Variants in FST observed in about 807,000 individuals in gnomAD.
FST encodes the protein follistatin.
A neutral mutation model predicts 38.4 loss-of-function variants in FST; 6 were observed. The observed-to-expected ratio is 0.16, with a 90% confidence interval of 0.09 to 0.31. FST has a LOEUF of 0.31. FST is among the 10% of genes least tolerant of loss of function. FST has a pLI of 1.00. For synonymous variants in FST, 157 were observed against 169.8 expected (o/e 0.92, Z 0.59); for missense variants, 301 against 432.3 (o/e 0.70, Z 2.69).
Position 53,483,948 on chromosome 5 carries a change from C to G in FST, c.497-121C>G, listed in dbSNP as rs1238480723. 6 of 814,352 alleles carry G rather than the reference C, an allele frequency of 7.4e-6. No homozygotes were observed. In the South Asian group the frequency reaches 8.7e-5, roughly 12 times the overall value. The allele number at this position is 814,352 out of a possible 1,614,324, so 50.4% of individuals were successfully genotyped here. On this transcript the variant is annotated intron_variant, in intron 3 of 5. Transcript: ENST00000256759. The surrounding 1 kb of genome is among the most constrained non-coding windows in gnomAD (Gnocchi z 4.1). ...AGATTCTCTCTTGAAAACTACAGGG[C>G]TCCCTAAGTGCCTTTTGAAAGCTGG...
chr5:53,482,230 CTT>C (rs1690688836), intron 1 of FST, among the ~76,000 whole-genome samples: 1 of 152,040 alleles, frequency 6.6e-6, no homozygotes, highest in African/African-American at 2.4e-5. Context: ...CTCTCTCTCT[CTT>C]TCTTTTCTTT....
At chr5:53,485,269 C>T (rs199862056) in intron 5 of FST, 42 bp downstream of exon 5, 95 of 1,060,024 alleles carry the variant, frequency 9.0e-5, no homozygotes, top group Admixed American at 6.1e-4. Flanking sequence ...AAGGCTTTCC[C>T]AGGCAATCCC....
Position 53,483,622 on chromosome 5 carries a change from C to T in FST, c.396C>T (p.Cys132=). The change falls in exon 3 of 6, where the codon TGC becomes TGT. Residue 132 remains cysteine (C), a synonymous_variant. Coordinates refer to ENST00000256759, the MANE Select transcript of FST (RefSeq NM_013409.3). The surrounding 1 kb of genome is among the most constrained non-coding windows in gnomAD (Gnocchi z 4.1). ...ACATCACCTGGAAGGGTCCAGTCTG[C>T]GGGCTGGATGGGAAAACCTACCGCA... ...CSNITWKGPV[C]GLDGKTYRNE... 6.2e-7 allele frequency: 1 copy of T among 1,614,026 alleles called. No homozygotes were observed. The highest frequency in any genetic ancestry group is 1.1e-5 in the South Asian group (1 of 91,082).
chr5:53,480,889 G>C lies in FST; in HGVS notation c.85+13G>C, dbSNP rs1294924771. On this transcript the variant is annotated intron_variant, in intron 1 of 5. Transcript: ENST00000256759. ...CGCAGTGCCCAGGGTAAGCGAGTGG[G>C]GATGCGCTGGGGAGGCTTGGCTGAG... The C allele has an allele frequency of 6.8e-7, 1 of 1,460,634 alleles. No homozygotes were observed. Among genetic ancestry groups the C allele is most frequent in the Non-Finnish European group, 9.3e-7 (1 of 1,074,430 alleles). 90.5% of individuals were successfully genotyped at this position (1,460,634 alleles called of 1,614,324 possible). A position where few individuals can be genotyped will look rare whatever the true frequency, so the allele number is the denominator to read the frequency against.
chr5:53,480,808 A>C lies in FST; in HGVS notation c.17A>C (p.His6Pro), dbSNP rs773779294. Residue 6 changes from histidine (H) to proline (P), a missense_variant, in exon 1 of 6, where the codon CAC (histidine) becomes CCC (proline). By Grantham distance (77) the His-to-Pro change is moderately conservative (BLOSUM62 -2). Coordinates refer to ENST00000256759, the MANE Select transcript of FST (RefSeq NM_013409.3). The part of the protein sequence containing the change: MVRAR[H>P]QPGGLCLLLL... ...GCCCCCAGGATGGTCCGCGCGAGGC[A>C]CCAGCCGGGTGGGCTTTGCCTCCTG... 1.5e-5 allele frequency: 23 copies of C among 1,516,834 alleles called. No individual in the cohort carries two copies. In the Admixed American group the frequency reaches 2.9e-4, roughly 19 times the overall value. The allele number at this position is 1,516,834 out of a possible 1,614,324, so 94.0% of individuals were successfully genotyped here. A position where few individuals can be genotyped will look rare whatever the true frequency, so the allele number is the denominator to read the frequency against.
chr5:53,481,271 TAAA>T (rs113843581), intron 1 of FST, among the ~76,000 whole-genome samples: 1 of 140,020 alleles, frequency 7.1e-6, no homozygotes, highest in Non-Finnish European at 1.6e-5. Context: ...TTTGGATACT[TAAA>T]AAAAAAAAAG....
In FST at chr5:53,483,827, A is replaced by C. The variant is rs537788736; in HGVS notation, c.496+105A>C. 1.3e-6 allele frequency: 1 copy of C among 798,712 alleles called. No individual in the cohort carries two copies. The highest frequency in any genetic ancestry group is 2.6e-5 in the East Asian group (1 of 38,594). The allele number at this position is 798,712 out of a possible 1,614,324, so 49.5% of individuals were successfully genotyped here. A position where few individuals can be genotyped will look rare whatever the true frequency, so the allele number is the denominator to read the frequency against. On this transcript the variant is annotated intron_variant, in intron 3 of 5. Coordinates refer to ENST00000256759, the MANE Select transcript of FST (RefSeq NM_013409.3). The surrounding 1 kb of genome is among the most constrained non-coding windows in gnomAD (Gnocchi z 4.1). ...CTTGGGGGATGGTGTAGTCCGCAGT[A>C]AGAGCCTGATAATAGTAATACTGAA...
intron 1 of FST, 62 bp from the exon 2 acceptor site, chr5:53,482,818 C>G: frequency 9.5e-7 from 1 of 1,055,022 alleles, no homozygotes; most frequent in Non-Finnish European, 1.4e-6. Context: ...CCACCTCGCT[C>G]TCCCTGCCCT....
chr5:53,485,208 G>A lies in FST; in HGVS notation c.933G>A (p.Lys311=), dbSNP rs758224953. 1.3e-6 allele frequency: 2 copies of A among 1,599,596 alleles called. No individual in the cohort carries two copies. The highest frequency in any genetic ancestry group is 1.7e-6 in the Non-Finnish European group (2 of 1,167,040). ...CCTCAGGTGTGCTACTGGAAGTAAA[G>A]CACTCCGGATCTTGCAACTGTAAGT... ...ACSSGVLLEV[K]HSGSCNSISE... is the part of the protein sequence containing the mutation. Residue 311 remains lysine (K), a synonymous_variant, in exon 5 of 6, where the codon AAG becomes AAA. Coordinates refer to ENST00000256759, the MANE Select transcript of FST (RefSeq NM_013409.3).
At position 53,484,096 on chromosome 5, in the gene FST, G is replaced by A. The variant is rs1241109140; in HGVS notation, c.524G>A (p.Gly175Asp). Residue 175 changes from glycine to aspartate, a missense_variant, in exon 4 of 6, where the codon GGC (glycine) becomes GAC (aspartate). By Grantham distance (94) the Gly-to-Asp change is moderately conservative. Coordinates refer to ENST00000256759, the MANE Select transcript of FST (RefSeq NM_013409.3). ...ACTTGTCGGGATGTTTTCTGTCCAG[G>A]CAGCTCCACATGTGTGGTGGACCAG... The part of the protein sequence containing the change: ...KKTCRDVFCP[G>D]SSTCVVDQTN... 3.1e-6 allele frequency: 5 copies of A among 1,612,588 alleles called. No individual in the cohort carries two copies. The highest frequency in any genetic ancestry group is 8.5e-7 in the Non-Finnish European group (1 of 1,178,640).
intron 1 of FST, among the ~76,000 whole-genome samples, chr5:53,482,172 C>T (rs1417902938): frequency 6.6e-6 from 1 of 152,216 alleles, no homozygotes; most frequent in African/African-American, 2.4e-5. Context: ...GGCCGGGTTG[C>T]TTTTTTGCTT....
At position 53,483,765 on chromosome 5, in the gene FST, T is replaced by G. The variant is rs769150845; in HGVS notation, c.496+43T>G. 7.0e-6 allele frequency: 10 copies of G among 1,428,882 alleles called. No homozygotes were observed. The South Asian group carries it at 1.2e-4, about 17-fold the overall frequency. 88.5% of individuals were successfully genotyped at this position (1,428,882 alleles called of 1,614,324 possible). A position where few individuals can be genotyped will look rare whatever the true frequency, so the allele number is the denominator to read the frequency against. ...GAGCAAGACTGGATCTGTCCCCTCC[T>G]CCAGCTTTGTACCTAAAGTAGACCC... On this transcript the variant is annotated intron_variant, in intron 3 of 5. Transcript: ENST00000256759. This position sits in a 1 kb window ranked among gnomAD's most constrained non-coding sequence, Gnocchi z 4.1.
chr5:53,482,837 T>C, intron 1 of FST, 43 bp from the exon 2 acceptor site: 1 of 1,280,938 alleles, frequency 7.8e-7, no homozygotes, highest in Non-Finnish European at 1.1e-6. Flanking sequence ...CTGCCACCGC[T>C]CACTGCTCAC....
chr5:53,484,317 G>A, intron 4 of FST, 24 bp downstream of exon 4: 4 of 1,604,850 alleles, frequency 2.5e-6, no homozygotes, highest in Non-Finnish European at 3.4e-6. Flanking sequence ...ATTGAGGAAG[G>A]AAAAAGAGAA....
chr5:53,486,044 A>C lies in FST; in HGVS notation c.*11A>C. 2.1e-6 allele frequency: 2 copies of C among 948,958 alleles called. No homozygotes were observed. Among genetic ancestry groups the C allele is most frequent in the Non-Finnish European group, 3.2e-6 (2 of 623,564 alleles). 58.8% of individuals were successfully genotyped at this position (948,958 alleles called of 1,614,324 possible). On this transcript the variant is annotated 3_prime_UTR_variant, in exon 6 of 6. Coordinates refer to ENST00000256759, the MANE Select transcript of FST (RefSeq NM_013409.3). ...ATTCTAGAGTGGTAAACTCTCTATA[A>C]GTGTTCAGTGTTGACATAGCCTTTG...
intron 1 of FST, among the ~76,000 whole-genome samples, chr5:53,482,140 C>G (rs1396666305): frequency 6.6e-6 from 1 of 152,236 alleles, no homozygotes; most frequent in East Asian, 1.9e-4. Context: ...GCCTGGAGGC[C>G]GCGCGGGGTA....
chr5:53,484,008 A>G (rs553921911), intron 3 of FST, 61 bp from the exon 4 acceptor site: 6 of 1,399,476 alleles, frequency 4.3e-6, no homozygotes, highest in South Asian at 1.2e-5. Flanking sequence ...GGTAACTTCA[A>G]GTGCTCACTC....
chr5:53,485,316 A>T (rs1032587141), intron 5 of FST, 89 bp downstream of exon 5: 1 of 724,192 alleles, frequency 1.4e-6, no homozygotes, highest in Non-Finnish European at 2.5e-6. Context: ...CAGATCTCCC[A>T]TAAATCCATT....
Position 53,483,414 on chromosome 5 carries a change from G to A in FST, c.278-90G>A, listed in dbSNP as rs1747360106. 8.2e-6 allele frequency: 8 copies of A among 973,408 alleles called. No individual in the cohort carries two copies. Among genetic ancestry groups the A allele is most frequent in the Admixed American group, 7.9e-5 (4 of 50,758 alleles). 60.3% of individuals were successfully genotyped at this position (973,408 alleles called of 1,614,324 possible). A position where few individuals can be genotyped will look rare whatever the true frequency, so the allele number is the denominator to read the frequency against. ...GCCCCTCCAGCGCAAACTCAGGGCT[G>A]CATGATTGCGCAAGGCACCCGAAGC... On this transcript the variant is annotated intron_variant, in intron 2 of 5. Transcript: ENST00000256759. This position sits in a 1 kb window ranked among gnomAD's most constrained non-coding sequence, Gnocchi z 4.1.
Sources: allele counts gnomAD v4.1 joint callset (sites outside exome capture counted in the v4.1 genomes callset), GRCh38; gene constraint gnomAD v4.1.1; non-coding constraint Gnocchi (gnomAD v3.1); transcripts MANE v1.5; gene names NCBI Gene and HGNC (gene_info 2026-07-23, HGNC 2026-07-21).